Variants in AGTPBP1 observed in about 807,000 individuals in gnomAD.
The protein encoded by AGTPBP1 is cytosolic carboxypeptidase 1.
Under a neutral mutation model 143.9 loss-of-function variants are expected in AGTPBP1, and 70 were observed. The observed-to-expected ratio is 0.49, with a 90% CI of 0.40 to 0.59. The LOEUF is 0.59. Among genes scored for constraint, AGTPBP1 ranks in the 20% least tolerant of loss-of-function variants. AGTPBP1 has a pLI of 0.00. For missense variants in AGTPBP1, 1,229 were observed against 1,464.5 expected, an observed-to-expected ratio of 0.84 and a Z score of 2.62; for synonymous variants, 463 against 500.2, an observed-to-expected ratio of 0.93 and a Z score of 0.99.
At chr9:85,576,426 T>C (rs1257880253) in intron 24 of AGTPBP1, among the ~76,000 whole-genome samples, 1 of 152,198 alleles carries the variant, frequency 6.6e-6, no homozygotes, top group Non-Finnish European at 1.5e-5. Context: ...CACATGACTT[T>C]ACAGTTATTT....
intron 18 of AGTPBP1, among the ~76,000 whole-genome samples, chr9:85,595,874 T>A (rs1185017517): frequency 6.6e-6 from 1 of 152,150 alleles, no homozygotes; most frequent in Non-Finnish European, 1.5e-5. Flanking sequence ...ATATTTACAG[T>A]CAAAGATGAA....
At chr9:85,795,856 G>GTTTTTTTTTTTTTTTTTT in the AGTPBP1 span, among the ~76,000 whole-genome samples, 1 of 70,670 alleles carries the variant, frequency 1.4e-5, no homozygotes, top group Admixed American at 1.9e-4. Flanking sequence ...CTTCTTCTTA[G>GTTTTTTTTTTTTTTTTTT]TTTTTTTTTT....
chr9:85,705,832 A>C (rs544145093), intron 2 of AGTPBP1, among the ~76,000 whole-genome samples: 35 of 152,230 alleles, frequency 2.3e-4, no homozygotes, highest in Middle Eastern at 3.4e-3. Context: ...CTGGGAATAC[A>C]GGTGCCCACC....
At chr9:85,704,737 G>A (rs1391129946) in intron 2 of AGTPBP1, among the ~76,000 whole-genome samples, 1 of 152,136 alleles carries the variant, frequency 6.6e-6, no homozygotes, top group African/African-American at 2.4e-5. Context: ...ACAGAAACAG[G>A]TAAGTACAAT....
At chr9:85,644,168 TAGAG>T (rs1025494316) in intron 12 of AGTPBP1, among the ~76,000 whole-genome samples, 41 of 151,926 alleles carry the variant, frequency 2.7e-4, no homozygotes, top group Non-Finnish European at 4.3e-4. Flanking sequence ...ATATGCATAA[TAGAG>T]ATTGATTTTA....
At chr9:85,611,906 T>C (rs1388374078) in intron 17 of AGTPBP1, among the ~76,000 whole-genome samples, 1 of 152,104 alleles carries the variant, frequency 6.6e-6, no homozygotes, top group Non-Finnish European at 1.5e-5. Context: ...GGTCTCGAAC[T>C]CCTGACCTTG....
At chr9:85,750,070 G>GAC in the AGTPBP1 span, among the ~76,000 whole-genome samples, 304 of 152,174 alleles carry the variant, frequency 2.0e-3, 2 homozygotes, top group South Asian at 7.5e-3. Flanking sequence ...TTTTAATAGA[G>GAC]ACAGGGTTTC....
At chr9:85,766,360 T>G in the AGTPBP1 span, among the ~76,000 whole-genome samples, 1 of 152,094 alleles carries the variant, frequency 6.6e-6, no homozygotes, top group African/African-American at 2.4e-5. Flanking sequence ...AGCTAGATTA[T>G]GAAAAACATG....
rs568312210 is a variant in AGTPBP1, at chr9:85,586,512, CT to C, written c.3033+318del. Among the ~76,000 whole-genome samples, 425 of 152,254 alleles carry C rather than the reference CT, an allele frequency of 2.8e-3. 5 individuals are homozygous for C. Among genetic ancestry groups the C allele is most frequent in the African/African-American group, 9.7e-3 (404 of 41,538 alleles). On this transcript the variant is annotated intron_variant, in intron 22 of 25. Transcript: ENST00000357081. ...ACATTTCCCCTGTGTGTAGTAGAGA[CT>C]TAACAGCTTCAGAGCTGACTAGAGA...
At chr9:85,585,995 C>T (rs556612002) in intron 22 of AGTPBP1, among the ~76,000 whole-genome samples, 4 of 152,220 alleles carry the variant, frequency 2.6e-5, no homozygotes, top group African/African-American at 9.6e-5. Context: ...GGTGGATCAC[C>T]AGAGGCCAGC....
intron 8 of AGTPBP1, among the ~76,000 whole-genome samples, chr9:85,666,471 G>A (rs1223805626): frequency 6.6e-6 from 1 of 152,090 alleles, no homozygotes; most frequent in Non-Finnish European, 1.5e-5. Context: ...TACTAAAAAT[G>A]ATAAGAGATC....
chr9:85,681,373 T>A, intron 3 of AGTPBP1, 38 bp from the exon 4 acceptor site: 5 of 1,575,578 alleles, frequency 3.2e-6, no homozygotes, highest in Non-Finnish European at 4.3e-6. Context: ...CAAACATAAA[T>A]TTTTAAAAGT....
the AGTPBP1 span, among the ~76,000 whole-genome samples, chr9:85,803,598 A>G: frequency 1.3e-5 from 2 of 152,120 alleles, no homozygotes; most frequent in Admixed American, 6.5e-5. Context: ...CCACGTTTTG[A>G]GCAGCGAGAC....
At chr9:85,753,245 T>C in the AGTPBP1 span, 1 of 1,588,904 alleles carries the variant, frequency 6.3e-7, no homozygotes, top group Admixed American at 1.8e-5. Flanking sequence ...AAAATTGTCA[T>C]CAGTGTACTT....
rs1268815980 is a variant in AGTPBP1 at position 85,547,279 on chromosome 9, T to C, written c.3511A>G (p.Thr1171Ala). Residue 1171 changes from threonine (T) to alanine (A), a missense_variant, in exon 26 of 26, where the codon ACT (threonine) becomes GCT (alanine). Coordinates refer to ENST00000357081, the MANE Select transcript of AGTPBP1 (RefSeq NM_001330701.2). ...ESSCKVTSPT[T>A]YVLDEDEPRF... is the part of the protein sequence containing the mutation. ...GGTTCATCTTCATCCAAGACATAAG[T>C]GGTAGGGCTGCAGCCAAAACACACA... 1 of 1,608,540 alleles carries C rather than the reference T, an allele frequency of 6.2e-7. No homozygotes were observed. The highest frequency in any genetic ancestry group is 1.7e-5 in the Admixed American group (1 of 58,762).
chr9:85,761,704 A>G, the AGTPBP1 span, among the ~76,000 whole-genome samples: 1 of 152,208 alleles, frequency 6.6e-6, no homozygotes, highest in African/African-American at 2.4e-5. Context: ...CATTCAGAAC[A>G]TAGGCATGGG....
intron 13 of AGTPBP1, among the ~76,000 whole-genome samples, chr9:85,640,038 A>T (rs767267835): frequency 6.6e-6 from 1 of 152,266 alleles, no homozygotes; most frequent in Non-Finnish European, 1.5e-5. Flanking sequence ...TTAATGGTTG[A>T]TGCTGAAAAT....
intron 3 of AGTPBP1, 66 bp downstream of exon 3, chr9:85,692,622 AT>A: frequency 6.4e-7 from 1 of 1,560,950 alleles, no homozygotes; most frequent in Non-Finnish European, 8.7e-7. Context: ...AAGTTTGAAC[AT>A]TTTTAGCATC....
intron 11 of AGTPBP1, among the ~76,000 whole-genome samples, chr9:85,651,684 C>T (rs1833171011): frequency 6.6e-6 from 1 of 152,094 alleles, no homozygotes; most frequent in African/African-American, 2.4e-5. Context: ...CCCAAACATA[C>T]CTAAGAATAT....
Sources: gnomAD v4.1 joint callset for allele counts (sites outside exome capture counted in the v4.1 genomes callset) on GRCh38, gnomAD v4.1.1 for gene constraint, MANE v1.5 for transcripts, NCBI Gene and HGNC (gene_info 2026-07-23, HGNC 2026-07-21) for gene names.